HACD1: variants seen among roughly 807,000 people sequenced by gnomAD.
HACD1 encodes 3-hydroxyacyl-CoA dehydratase 1, also known as very-long-chain (3R)-3-hydroxyacyl-CoA dehydratase 1.
A neutral mutation model predicts 32.0 loss-of-function variants in HACD1; 41 were observed. The ratio of observed to expected loss-of-function variants is 1.28; its 90% CI spans 1.00 to 1.66. HACD1 has a LOEUF of 1.66. Ranked by LOEUF, HACD1 falls within the 40% of genes most tolerant of loss-of-function variation. The probability of loss-of-function intolerance (pLI) is 0.00; values close to 1 mark genes in which losing one functional copy is unlikely to be tolerated. For synonymous variants in HACD1, 142 were observed against 139.0 expected (o/e 1.02, Z -0.15); for missense variants, 396 against 380.1 (o/e 1.04, Z -0.35).
intron 1 of HACD1, among the ~76,000 whole-genome samples, chr10:17,610,492 T>A (rs1834217250): frequency 6.6e-6 from 1 of 151,896 alleles, no homozygotes; most frequent in Non-Finnish European, 1.5e-5. Flanking sequence ...CTACAAAAAA[T>A]TTAAAAATTA....
Position 17,594,377 on chromosome 10 carries a change from A to G in HACD1, c.612T>C (p.Asn204=). Residue 204 remains asparagine (N), a synonymous_variant, in exon 6 of 7, where the codon AAT becomes AAC. Coordinates refer to ENST00000361271, the MANE Select transcript of HACD1 (RefSeq NM_014241.4). ...LPYFIKWARY[N]FFIILYPVGV... is the part of the protein sequence containing the mutation. ...CAACAGGATATAAGATGATAAAAAA[A>G]TTATATCTGGAGAAAGAAAAACCTC... 6.8e-7 allele frequency: 1 copy of G among 1,465,992 alleles called. No homozygotes were observed. The highest frequency in any genetic ancestry group is 9.1e-7 in the Non-Finnish European group (1 of 1,102,322). 90.8% of individuals were successfully genotyped at this position (1,465,992 alleles called of 1,614,324 possible). A position where few individuals can be genotyped will look rare whatever the true frequency, so the allele number is the denominator to read the frequency against.
intron 1 of HACD1, among the ~76,000 whole-genome samples, chr10:17,613,197 T>C (rs548174390): frequency 1.3e-5 from 2 of 151,298 alleles, no homozygotes; most frequent in South Asian, 4.2e-4. Context: ...GGTCTTAAAC[T>C]ACTGGACTCA....
At chr10:17,602,408 C>T (rs1248932484) in intron 4 of HACD1, among the ~76,000 whole-genome samples, 3 of 152,102 alleles carry the variant, frequency 2.0e-5, no homozygotes, top group African/African-American at 7.2e-5. Flanking sequence ...CTTGACATAG[C>T]AGCATGGTGT....
At chr10:17,599,089 T>G (rs1321932160) in intron 5 of HACD1, 2 of 988,784 alleles carry the variant, frequency 2.0e-6, no homozygotes, top group African/African-American at 3.3e-5. Flanking sequence ...CTCAAAATAT[T>G]TATTAATACG....
In HACD1 at chr10:17,589,231, G is replaced by A. The variant is rs1280306160; in HGVS notation, c.*1133C>T. On this transcript the variant is annotated 3_prime_UTR_variant, in exon 7 of 7. Coordinates refer to ENST00000361271, the MANE Select transcript of HACD1 (RefSeq NM_014241.4). ...TATAGAGAAGACTTTCTCAACCAAA[G>A]TTCTGAGTACAGCATGATCATCTTC... 3.3e-5 allele frequency: 5 copies of A among 152,142 alleles called. No homozygotes were observed. Among genetic ancestry groups the A allele is most frequent in the Admixed American group, 6.5e-5 (1 of 15,274 alleles). 9.4% of individuals were successfully genotyped at this position (152,142 alleles called of 1,614,324 possible).
At chr10:17,598,393 T>C (rs1202599325) in intron 5 of HACD1, among the ~76,000 whole-genome samples, 2 of 152,104 alleles carry the variant, frequency 1.3e-5, no homozygotes, top group African/African-American at 4.8e-5. Context: ...ATTTATTATA[T>C]TTGAACATGT....
chr10:17,597,861 A>T (rs1588985575), intron 5 of HACD1, among the ~76,000 whole-genome samples: 1 of 152,206 alleles, frequency 6.6e-6, no homozygotes, highest in Non-Finnish European at 1.5e-5. Flanking sequence ...TATGACAGAC[A>T]AGACACTTAA....
chr10:17,617,001 C>T, intron 1 of HACD1, 82 bp downstream of exon 1: 4 of 1,308,222 alleles, frequency 3.1e-6, no homozygotes, highest in Non-Finnish European at 3.9e-6. Context: ...GCCCCTTACA[C>T]CCCGGCCCGC....
chr10:17,615,742 G>T (rs782113194), intron 1 of HACD1: 7 of 381,584 alleles, frequency 1.8e-5, no homozygotes, highest in South Asian at 1.3e-4. Flanking sequence ...CGAAGTGGGG[G>T]AATCATTTGA....
chr10:17,590,106 TC>T lies in HACD1; in HGVS notation c.*257del, dbSNP rs528366030. 70 of 238,712 alleles carry T rather than the reference TC, an allele frequency of 2.9e-4. No individual in the cohort carries two copies. The East Asian group carries it at 5.6e-3, about 19-fold the overall frequency. The allele number at this position is 238,712 out of a possible 1,614,324, so 14.8% of individuals were successfully genotyped here. On this transcript the variant is annotated 3_prime_UTR_variant, in exon 7 of 7. Coordinates refer to ENST00000361271, the MANE Select transcript of HACD1 (RefSeq NM_014241.4). ...AAAAAACTTAGCAAAAGTTTTTTTT[TC>T]CCCCAGATAATACACCTAATTATTT...
chr10:17,612,735 A>G (rs2131523165), intron 1 of HACD1, among the ~76,000 whole-genome samples: 1 of 152,144 alleles, frequency 6.6e-6, no homozygotes, highest in East Asian at 1.9e-4. Flanking sequence ...CCTGGCCAAC[A>G]CGGTGAAATC....
At chr10:17,603,534 G>C in intron 4 of HACD1, 26 bp downstream of exon 4, 1 of 1,551,588 alleles carries the variant, frequency 6.4e-7, no homozygotes, top group Non-Finnish European at 8.9e-7. Context: ...GCAGGCTCAA[G>C]TAGACAACAT....
At position 17,617,156 on chromosome 10, in the gene HACD1, G is replaced by C. The variant is rs1554818218; in HGVS notation, c.184C>G (p.Pro62Ala). 2.0e-6 allele frequency: 3 copies of C among 1,506,014 alleles called. No individual in the cohort carries two copies. The highest frequency in any genetic ancestry group is 2.5e-5 in the South Asian group (2 of 80,866). 93.3% of individuals were successfully genotyped at this position (1,506,014 alleles called of 1,614,324 possible). A position where few individuals can be genotyped will look rare whatever the true frequency, so the allele number is the denominator to read the frequency against. ...ACCCCCAGGCGCCTCCGCTCGCCGG[G>C]AGCCTCCCGGTCCTCGCCGGCCTCC... ...ASEAGEDREA[P>A]GERRRLGVLA... Residue 62 changes from proline (P) to alanine (A), a missense_variant, in exon 1 of 7, where the codon CCC becomes GCC. Pro to Ala is a conservative substitution (Grantham distance 27). Transcript: ENST00000361271.
chr10:17,608,162 A>C (rs1588992068), intron 1 of HACD1, among the ~76,000 whole-genome samples: 1 of 151,896 alleles, frequency 6.6e-6, no homozygotes, highest in Non-Finnish European at 1.5e-5. Flanking sequence ...GGGGTGTACC[A>C]CCATACCTGG....
chr10:17,614,204 A>G (rs538593160), intron 1 of HACD1, among the ~76,000 whole-genome samples: 2 of 152,320 alleles, frequency 1.3e-5, no homozygotes, highest in South Asian at 4.1e-4. Flanking sequence ...GCACTTTGGG[A>G]AGCCATTGTG....
intron 1 of HACD1, among the ~76,000 whole-genome samples, chr10:17,612,476 T>C (rs1399838441): frequency 6.6e-6 from 1 of 152,144 alleles, no homozygotes; most frequent in Non-Finnish European, 1.5e-5. Context: ...ACAATAAGCA[T>C]TGCGAATAAG....
chr10:17,601,537 C>T lies in HACD1; in HGVS notation c.483+2023G>A, dbSNP rs17141408. Reference sequence around the variant, plus strand: ...CGGGTCCTGTTTTATTTTTGGAACTCGCGACTCTCAAGCTTCCCTTTACCT... The same window carrying T: ...CGGGTCCTGTTTTATTTTTGGAACTTGCGACTCTCAAGCTTCCCTTTACCT... On this transcript the variant is annotated intron_variant, in intron 4 of 6. Transcript: ENST00000361271. 8.5e-3 allele frequency among the ~76,000 whole-genome samples: 1,293 copies of T among 152,232 alleles called. 19 individuals are homozygous for T. The highest frequency in any genetic ancestry group is 0.03 in the African/African-American group (1,237 of 41,516).
At chr10:17,593,465 G>A (rs1050899479) in intron 6 of HACD1, among the ~76,000 whole-genome samples, 46 of 152,062 alleles carry the variant, frequency 3.0e-4, no homozygotes, top group Non-Finnish European at 1.9e-4. Context: ...ACAGGCATGC[G>A]CCACCATGCC....
intron 4 of HACD1, 45 bp downstream of exon 4, chr10:17,603,515 A>G (rs782339839): frequency 4.1e-6 from 6 of 1,476,008 alleles, no homozygotes; most frequent in South Asian, 2.4e-5. Flanking sequence ...ATGAATGGAA[A>G]GCTTTCCTGC....
Sources: gnomAD v4.1 joint callset for allele counts (sites outside exome capture counted in the v4.1 genomes callset) on GRCh38, gnomAD v4.1.1 for gene constraint, MANE v1.5 for transcripts, NCBI Gene and HGNC (gene_info 2026-07-23, HGNC 2026-07-21) for gene names.